AGPAT3: variants seen among roughly 807,000 people sequenced by gnomAD.
The protein encoded by AGPAT3 is 1-acylglycerol-3-phosphate O-acyltransferase 3, also known as 1-acyl-sn-glycerol-3-phosphate acyltransferase gamma.
AGPAT3 carries 5 observed loss-of-function variants against 47.3 expected under a neutral mutation model. The observed-to-expected ratio is 0.11, with a 90% CI of 0.06 to 0.22. The LOEUF (loss-of-function observed/expected upper bound fraction) is 0.22, where lower values mean the gene tolerates loss of function less well. Among genes scored for constraint, AGPAT3 ranks in the 10% least tolerant of loss-of-function variants. AGPAT3 has a pLI of 1.00. For synonymous variants in AGPAT3, 212 were observed against 208.3 expected (o/e 1.02, Z -0.15); for missense variants, 315 against 493.0 (o/e 0.64, Z 3.42).
chr21:43,888,717 G>A (rs954998526), intron 1 of AGPAT3, among the ~76,000 whole-genome samples: 2 of 152,186 alleles, frequency 1.3e-5, no homozygotes, highest in Non-Finnish European at 2.9e-5. Flanking sequence ...TGGGCCGGGC[G>A]AGGTGCTTCA....
chr21:43,873,695 G>A (rs2085673806), intron 1 of AGPAT3, among the ~76,000 whole-genome samples: 1 of 152,154 alleles, frequency 6.6e-6, no homozygotes, highest in African/African-American at 2.4e-5. Context: ...TCAGTTTCTT[G>A]ATACAAAGGT....
rs2089840155 is a variant in AGPAT3, at chr21:43,981,270, A to G, written c.1042+83A>G. 2.7e-6 allele frequency: 4 copies of G among 1,465,586 alleles called. No homozygotes were observed. The highest frequency in any genetic ancestry group is 3.8e-6 in the Non-Finnish European group (4 of 1,052,864). 90.8% of individuals were successfully genotyped at this position (1,465,586 alleles called of 1,614,324 possible). A position where few individuals can be genotyped will look rare whatever the true frequency, so the allele number is the denominator to read the frequency against. On this transcript the variant is annotated intron_variant, in intron 9 of 9. Transcript: ENST00000291572. The surrounding 1 kb of genome is among the most constrained non-coding windows in gnomAD (Gnocchi z 5.3). ...AGGGTCCGGGACCTGGTGACTCATC[A>G]CAGTGGCTGTGGGAGGCAGGGGCCT... is the stretch of plus-strand genomic sequence containing the variant.
intron 1 of AGPAT3, among the ~76,000 whole-genome samples, chr21:43,897,183 C>T (rs1601244177): frequency 1.3e-5 from 2 of 151,788 alleles, no homozygotes; most frequent in Non-Finnish European, 2.9e-5. Context: ...TGCCTTCAAG[C>T]GTCTGTTTAA....
intron 3 of AGPAT3, chr21:43,965,714 G>T (rs2089087362): frequency 6.6e-6 from 1 of 152,110 alleles, no homozygotes; most frequent in Non-Finnish European, 1.5e-5. Flanking sequence ...AGGTTCAAGT[G>T]ATTCTCGTGC....
chr21:43,875,137 C>T (rs532005095), intron 1 of AGPAT3, among the ~76,000 whole-genome samples: 6 of 152,172 alleles, frequency 3.9e-5, no homozygotes, highest in Admixed American at 2.0e-4. Context: ...CCCACCACCA[C>T]GCCTGGGGTA....
intron 7 of AGPAT3, among the ~76,000 whole-genome samples, chr21:43,975,806 G>A (rs1452188885): frequency 6.6e-6 from 1 of 152,188 alleles, no homozygotes; most frequent in Non-Finnish European, 1.5e-5. Flanking sequence ...TCCACGATGA[G>A]CCCAGACAGT....
At position 43,939,168 on chromosome 21, in the gene AGPAT3, C is replaced by T. The variant is rs1256019425; in HGVS notation, c.-48-20466C>T. Among the ~76,000 whole-genome samples, 1 of 152,180 alleles carries T rather than the reference C, an allele frequency of 6.6e-6. No homozygotes were observed. Among genetic ancestry groups the T allele is most frequent in the Non-Finnish European group, 1.5e-5 (1 of 68,024 alleles). On this transcript the variant is annotated intron_variant, in intron 2 of 9. Transcript: ENST00000291572. The surrounding 1 kb of genome is among the most constrained non-coding windows in gnomAD (Gnocchi z 4.4). ...TGGGAGATGCACGAGCAGTGACTTT[C>T]ACTTTATCCCACTGTGGCCCCGTGA...
intron 1 of AGPAT3, among the ~76,000 whole-genome samples, chr21:43,866,200 A>G (rs1051136635): frequency 1.5e-5 from 1 of 65,878 alleles, no homozygotes; most frequent in African/African-American, 3.7e-5. Flanking sequence ...CCAGACCTTT[A>G]AAAAAAAAAA....
intron 2 of AGPAT3, among the ~76,000 whole-genome samples, chr21:43,953,001 C>T (rs1210911472): frequency 1.3e-5 from 2 of 152,282 alleles, no homozygotes; most frequent in South Asian, 2.1e-4. Context: ...TCCACATCGC[C>T]GGCCAAGTGG....
rs2089328503 is a variant in AGPAT3 at position 43,970,073 on chromosome 21, A to G, written c.511-580A>G. On this transcript the variant is annotated intron_variant, in intron 5 of 9. Transcript: ENST00000291572. This position sits in a 1 kb window ranked among gnomAD's most constrained non-coding sequence, Gnocchi z 5.8. ...ACCCAGGCTAGAGTGCAGTGGCATG[A>G]TCTCAGCTCACTGCAACCTCTGCCT... 6.6e-6 allele frequency among the ~76,000 whole-genome samples: 1 copy of G among 151,700 alleles called. No homozygotes were observed. Among genetic ancestry groups the G allele is most frequent in the Admixed American group, 6.6e-5 (1 of 15,224 alleles).
chr21:43,943,850 T>C (rs919719069), intron 2 of AGPAT3, among the ~76,000 whole-genome samples: 5 of 152,226 alleles, frequency 3.3e-5, no homozygotes, highest in African/African-American at 1.2e-4. Flanking sequence ...AAGCCTGCGC[T>C]GTGTTTAAAA....
chr21:43,893,695 C>G (rs565462532), intron 1 of AGPAT3, among the ~76,000 whole-genome samples: 60 of 152,298 alleles, frequency 3.9e-4, no homozygotes, highest in Non-Finnish European at 5.9e-4. Context: ...TTCAACACTG[C>G]TGTGTAACAG....
chr21:43,916,258 T>A (rs1345564679), intron 2 of AGPAT3: 1 of 152,212 alleles, frequency 6.6e-6, no homozygotes, highest in Non-Finnish European at 1.5e-5. Flanking sequence ...ACTGCTTCTT[T>A]AATTTTGTTG....
chr21:43,901,381 A>G (rs2086351200), intron 1 of AGPAT3, among the ~76,000 whole-genome samples: 1 of 151,828 alleles, frequency 6.6e-6, no homozygotes, highest in African/African-American at 2.4e-5. Flanking sequence ...ATCTATCCAG[A>G]TGATAGAGCT....
intron 1 of AGPAT3, among the ~76,000 whole-genome samples, chr21:43,883,399 A>C (rs2085897825): frequency 6.6e-6 from 1 of 152,182 alleles, no homozygotes; most frequent in African/African-American, 2.4e-5. Context: ...TCCAGTTTAC[A>C]AGTAGGAGCC....
intron 2 of AGPAT3, among the ~76,000 whole-genome samples, chr21:43,918,242 T>TGCGGCG (rs2086801955): frequency 2.6e-5 from 4 of 151,664 alleles, no homozygotes; most frequent in Admixed American, 1.3e-4. Flanking sequence ...TTGTGGGTGT[T>TGCGGCG]GTAGGTGGCC....
intron 2 of AGPAT3, among the ~76,000 whole-genome samples, chr21:43,941,263 G>A (rs936726258): frequency 1.3e-5 from 2 of 152,180 alleles, no homozygotes; most frequent in African/African-American, 4.8e-5. Flanking sequence ...GCTTCTCTCT[G>A]ATCTGGAAGC....
chr21:43,961,217 G>A (rs2088818230), intron 3 of AGPAT3, among the ~76,000 whole-genome samples: 1 of 152,070 alleles, frequency 6.6e-6, no homozygotes, highest in African/African-American at 2.4e-5. Flanking sequence ...TCCAGGGAGT[G>A]GGGAAAGGAG....
intron 2 of AGPAT3, among the ~76,000 whole-genome samples, chr21:43,926,625 G>A (rs1483735734): frequency 4.2e-5 from 6 of 142,494 alleles, no homozygotes; most frequent in African/African-American, 1.0e-4. Flanking sequence ...GCTTCCGTGA[G>A]CTACGCTGGC....
Sources: allele counts gnomAD v4.1 joint callset (sites outside exome capture counted in the v4.1 genomes callset), GRCh38; gene constraint gnomAD v4.1.1; non-coding constraint Gnocchi (gnomAD v3.1); transcripts MANE v1.5; gene names NCBI Gene and HGNC (gene_info 2026-07-23, HGNC 2026-07-21).